AHI1: variants seen among roughly 807,000 people sequenced by gnomAD.
The protein encoded by AHI1 is jouberin.
AHI1 carries 123 observed loss-of-function variants against 149.3 expected under a neutral mutation model. The ratio of observed to expected loss-of-function variants is 0.82; its 90% CI spans 0.71 to 0.96. The LOEUF (loss-of-function observed/expected upper bound fraction) is 0.96, where lower values mean the gene tolerates loss of function less well. Ranked by LOEUF, AHI1 falls within the 40% of genes least tolerant of loss-of-function variation. The pLI, the probability that AHI1 is intolerant of heterozygous loss-of-function variation, is 0.00. For synonymous variants in AHI1, 475 were observed against 459.8 expected (o/e 1.03, Z -0.42); for missense variants, 1,439 against 1,422.7 (o/e 1.01, Z -0.18).
chr6:135,403,401 A>G (rs1272598274), intron 22 of AHI1, among the ~76,000 whole-genome samples: 1 of 152,192 alleles, frequency 6.6e-6, no homozygotes, highest in Non-Finnish European at 1.5e-5. Context: ...ATTCATTTCC[A>G]AATTAATCAT....
intron 22 of AHI1, among the ~76,000 whole-genome samples, chr6:135,404,578 C>T (rs964478004): frequency 6.6e-6 from 1 of 152,178 alleles, no homozygotes; most frequent in African/African-American, 2.4e-5. Flanking sequence ...AGCTTGCATG[C>T]ATTTCAATGC....
chr6:135,416,368 CT>C (rs142283578), intron 20 of AHI1, among the ~76,000 whole-genome samples: 43 of 145,266 alleles, frequency 3.0e-4, no homozygotes, highest in Middle Eastern at 3.6e-3. Context: ...TAGAAAGTGC[CT>C]TTTTTTTTTG....
At chr6:135,349,470 T>C (rs1423432575) in intron 24 of AHI1, among the ~76,000 whole-genome samples, 3 of 152,174 alleles carry the variant, frequency 2.0e-5, no homozygotes, top group African/African-American at 7.2e-5. Context: ...ATCCCACTGC[T>C]TAGCATTGTT....
intron 26 of AHI1, chr6:135,301,964 G>A: frequency 2.0e-6 from 2 of 984,984 alleles, no homozygotes; most frequent in Non-Finnish European, 2.4e-6. Flanking sequence ...TCTAAACACA[G>A]CAGTCAAATT....
At chr6:135,490,536 T>C (rs1372961581) in intron 5 of AHI1, 87 bp downstream of exon 5, 6 of 1,518,180 alleles carry the variant, frequency 4.0e-6, no homozygotes, top group Non-Finnish European at 5.4e-6. Context: ...ATTTTCAAAA[T>C]TCCTTAGAAT....
intron 27 of AHI1, among the ~76,000 whole-genome samples, chr6:135,291,086 T>C (rs1315006981): frequency 6.6e-6 from 1 of 152,082 alleles, no homozygotes; most frequent in Non-Finnish European, 1.5e-5. Flanking sequence ...ACAAATGTTT[T>C]GTGGATGAGT....
At chr6:135,380,178 G>A (rs1310040416) in intron 23 of AHI1, among the ~76,000 whole-genome samples, 4 of 151,698 alleles carry the variant, frequency 2.6e-5, no homozygotes, top group African/African-American at 4.8e-5. Flanking sequence ...CTGCTTTGTC[G>A]TTATAATGTT....
At chr6:135,416,434 G>A (rs753955849) in intron 20 of AHI1, among the ~76,000 whole-genome samples, 1 of 151,958 alleles carries the variant, frequency 6.6e-6, no homozygotes, top group East Asian at 1.9e-4. Context: ...GAATGTAAGG[G>A]TAGTTAGTGT....
rs569067649 is a variant in AHI1, at chr6:135,495,172, A to C, written c.-55+642T>G. Reference sequence around the variant, plus strand: ...TTAAGATTGTTTCCACGCCGCTATCACCTTTCCCTTAAAAAAAAAATCATC... The same window carrying C: ...TTAAGATTGTTTCCACGCCGCTATCCCCTTTCCCTTAAAAAAAAAATCATC... On this transcript the variant is annotated intron_variant, in intron 3 of 28. Coordinates refer to ENST00000265602, the MANE Select transcript of AHI1 (RefSeq NM_001134831.2). 7.4e-4 allele frequency: 102 copies of C among 137,642 alleles called. 1 individual carries two copies. The highest frequency in any genetic ancestry group is 2.4e-3 in the African/African-American group (95 of 39,238). 8.5% of individuals were successfully genotyped at this position (137,642 alleles called of 1,614,324 possible).
Position 135,375,650 on chromosome 6 carries a change from T to C in AHI1, c.3110-17463A>G, listed in dbSNP as rs1309561635. ...ATTATTGATAAATGACAAGGCTCCC[T>C]ATTATGTCAAACGAAAGCATACAAA... On this transcript the variant is annotated intron_variant, in intron 23 of 28. Coordinates refer to ENST00000265602, the MANE Select transcript of AHI1 (RefSeq NM_001134831.2). 6.6e-5 allele frequency among the ~76,000 whole-genome samples: 10 copies of C among 152,224 alleles called. 1 individual carries two copies. Among genetic ancestry groups the C allele is most frequent in the Non-Finnish European group, 1.5e-4 (10 of 68,034 alleles).
intron 11 of AHI1, among the ~76,000 whole-genome samples, chr6:135,450,983 T>C (rs367662649): frequency 4.8e-5 from 7 of 146,316 alleles, no homozygotes; most frequent in East Asian, 4.2e-4. Context: ...ATTTAAATTT[T>C]AATTGTCTTC....
chr6:135,395,073 G>A (rs761574211), intron 22 of AHI1, among the ~76,000 whole-genome samples, 177 bp from the exon 23 acceptor site: 3 of 151,572 alleles, frequency 2.0e-5, no homozygotes, highest in Non-Finnish European at 4.4e-5. Flanking sequence ...TTTTCATCAA[G>A]AAAAAAATAT....
intron 26 of AHI1, among the ~76,000 whole-genome samples, chr6:135,304,591 GA>G (rs778956026): frequency 1.3e-5 from 2 of 151,824 alleles, no homozygotes; most frequent in South Asian, 4.2e-4. Context: ...CCAACATAGT[GA>G]AACCCCGGTC....
At chr6:135,404,885 C>A in intron 22 of AHI1, 66 bp downstream of exon 22, 1 of 1,406,192 alleles carries the variant, frequency 7.1e-7, no homozygotes, top group Admixed American at 1.7e-5. Flanking sequence ...ATGAATGGTG[C>A]ATTCCAGTTC....
chr6:135,469,123 C>A (rs1423388173), intron 5 of AHI1, among the ~76,000 whole-genome samples: 1 of 152,186 alleles, frequency 6.6e-6, no homozygotes, highest in Admixed American at 6.5e-5. Flanking sequence ...AAAATACTTG[C>A]AACCAAATCC....
rs1583578280 is a variant in AHI1 at position 135,300,810 on chromosome 6, T to C, written c.3427-252A>G. 3.7e-6 allele frequency: 4 copies of C among 1,087,662 alleles called. No homozygotes were observed. In the East Asian group the frequency reaches 2.0e-4, roughly 54 times the overall value. 67.4% of individuals were successfully genotyped at this position (1,087,662 alleles called of 1,614,324 possible). A position where few individuals can be genotyped will look rare whatever the true frequency, so the allele number is the denominator to read the frequency against. ...TATAAGTAAAGTCAGCTTTCAGGTATGTGACCAAAAAAAAAAAAAAAAAAT... is the reference window on the plus strand; with the variant it reads ...TATAAGTAAAGTCAGCTTTCAGGTACGTGACCAAAAAAAAAAAAAAAAAAT... On this transcript the variant is annotated intron_variant, in intron 26 of 28. Transcript: ENST00000265602.
In AHI1 at chr6:135,495,863, C is replaced by A. The variant is rs1795892625; in HGVS notation, c.-104G>T. 1 of 152,064 alleles carries A rather than the reference C, an allele frequency of 6.6e-6. No individual in the cohort carries two copies. The highest frequency in any genetic ancestry group is 6.5e-5 in the Admixed American group (1 of 15,268). 9.4% of individuals were successfully genotyped at this position (152,064 alleles called of 1,614,324 possible). On this transcript the variant is annotated 5_prime_UTR_variant, in exon 3 of 29. In the 5' UTR this introduces an upstream ATG that the reference lacks. Transcript: ENST00000265602. ...CTTAATTTCTAATCCTTGGTTTTTC[C>A]TTGTCTGGGAATTTAAAATGGCACC...
chr6:135,453,435 A>T lies in AHI1; in HGVS notation c.1346T>A (p.Ile449Asn), dbSNP rs1406446272. 2 of 1,544,814 alleles carry T rather than the reference A, an allele frequency of 1.3e-6. No homozygotes were observed. The highest frequency in any genetic ancestry group is 3.9e-5 in the Admixed American group (2 of 50,792). Reference sequence around the variant, plus strand: ...TTCATCCACGCTTAAGAAATCAAGAATCTGCAAATAAATTCACAGAAGACT... The same window carrying T: ...TTCATCCACGCTTAAGAAATCAAGATTCTGCAAATAAATTCACAGAAGACT... ...ESPKVILFFE[I>N]LDFLSVDEIK... The change falls in exon 11 of 29, where the codon ATT (isoleucine) becomes AAT (asparagine). Residue 449 changes from isoleucine to asparagine, a missense_variant and splice_region_variant. Physicochemically the swap from Ile to Asn is moderately radical, Grantham distance 149 (BLOSUM62 -3). Coordinates refer to ENST00000265602, the MANE Select transcript of AHI1 (RefSeq NM_001134831.2).
chr6:135,467,318 A>C (rs1258478183), intron 6 of AHI1, among the ~76,000 whole-genome samples: 1 of 152,238 alleles, frequency 6.6e-6, no homozygotes, highest in Non-Finnish European at 1.5e-5. Flanking sequence ...ACAATAAATA[A>C]ATGAACACCA....
Sources: gnomAD v4.1 joint callset for allele counts (sites outside exome capture counted in the v4.1 genomes callset) on GRCh38, gnomAD v4.1.1 for gene constraint, MANE v1.5 for transcripts, NCBI Gene and HGNC (gene_info 2026-07-23, HGNC 2026-07-21) for gene names.